SERPINE2: variants seen among roughly 807,000 people sequenced by gnomAD.
SERPINE2 encodes glia-derived nexin.
Under a neutral mutation model 36.3 loss-of-function variants are expected in SERPINE2, and 14 were observed. The observed-to-expected ratio is 0.39, with a 90% CI of 0.25 to 0.60. The LOEUF (loss-of-function observed/expected upper bound fraction) is 0.60. SERPINE2 is among the 20% of genes least tolerant of loss of function. SERPINE2 has a pLI of 0.57. For synonymous variants in SERPINE2, 192 were observed against 191.8 expected (o/e 1.00, Z -0.01); for missense variants, 418 against 499.6 (o/e 0.84, Z 1.56).
intron 1 of SERPINE2, among the ~76,000 whole-genome samples, chr2:224,009,149 C>T (rs1260490694): frequency 6.6e-6 from 1 of 152,160 alleles, no homozygotes; most frequent in Non-Finnish European, 1.5e-5. Context: ...CGACACACAG[C>T]ACGGCAAGGT....
At chr2:223,977,964 A>T in intron 7 of SERPINE2, 1 of 221,712 alleles carries the variant, frequency 4.5e-6, no homozygotes, top group Non-Finnish European at 9.2e-6. Context: ...TTGCCACTAA[A>T]CACATCTAAT....
chr2:223,994,121 G>A (rs796704491), intron 3 of SERPINE2, among the ~76,000 whole-genome samples: 14 of 151,982 alleles, frequency 9.2e-5, no homozygotes, highest in Admixed American at 2.6e-4. Flanking sequence ...CTCTGCTCCC[G>A]ATTTCTGTAA....
Position 223,991,902 on chromosome 2 carries a change from G to A in SERPINE2, c.586C>T (p.Arg196Trp), listed in dbSNP as rs368930499. The A allele has an allele frequency of 1.4e-5, 22 of 1,612,716 alleles. No individual in the cohort carries two copies. The highest frequency in any genetic ancestry group is 1.6e-5 in the Non-Finnish European group (19 of 1,179,468). The change falls in exon 4 of 9, where the codon CGG becomes TGG. Residue 196 changes from arginine (R) to tryptophan (W), a missense_variant. Arg to Trp is a moderately radical substitution (Grantham distance 101, BLOSUM62 -3). Transcript: ENST00000409304. ...AVYFKGLWKSRFQPENTKKRT... is the reference protein window; with the variant it reads ...AVYFKGLWKSWFQPENTKKRT... ...TTCTTTGTGTTCTCGGGTTGGAACC[G>A]TGATTTCCACAGACCCTTGAAATAC...
At chr2:224,032,992 G>T (rs867143215) in intron 1 of SERPINE2, among the ~76,000 whole-genome samples, 3 of 152,126 alleles carry the variant, frequency 2.0e-5, no homozygotes, top group Middle Eastern at 3.4e-3. Context: ...GATGGGAGGT[G>T]GTATTTCTCA....
At chr2:224,004,040 G>C (rs1264650791) in intron 1 of SERPINE2, among the ~76,000 whole-genome samples, 1 of 152,206 alleles carries the variant, frequency 6.6e-6, no homozygotes, top group Admixed American at 6.5e-5. Context: ...ACCCTAGGGC[G>C]TAGGAGATGT....
At chr2:224,038,444 T>C (rs1007693126) in intron 1 of SERPINE2, 3 of 1,527,048 alleles carry the variant, frequency 2.0e-6, no homozygotes, top group Non-Finnish European at 2.7e-6. Context: ...ACACATTAAA[T>C]GCCTAATTCC....
chr2:223,985,009 T>C (rs1690373778), intron 4 of SERPINE2, 59 bp from the exon 5 acceptor site: 2 of 1,485,876 alleles, frequency 1.3e-6, no homozygotes, highest in Non-Finnish European at 1.9e-6. Context: ...GCAGGATGAG[T>C]GCTTGCTGGT....
intron 1 of SERPINE2, among the ~76,000 whole-genome samples, chr2:224,012,041 A>C (rs1691642751): frequency 1.3e-5 from 2 of 152,148 alleles, no homozygotes; most frequent in East Asian, 3.9e-4. Context: ...AGAGTTCACA[A>C]ACACCACTCC....
intron 2 of SERPINE2, among the ~76,000 whole-genome samples, chr2:224,000,141 C>T (rs1429002869): frequency 3.9e-5 from 6 of 152,182 alleles, no homozygotes; most frequent in African/African-American, 1.4e-4. Flanking sequence ...GCTGACGACG[C>T]CAGTGCAGTC....
At chr2:223,983,444 G>A (rs1392607590) in intron 5 of SERPINE2, among the ~76,000 whole-genome samples, 12 of 152,010 alleles carry the variant, frequency 7.9e-5, no homozygotes, top group African/African-American at 2.9e-4. Flanking sequence ...TAGTAGAGAC[G>A]GGGTTTTTCC....
chr2:224,024,750 T>G (rs891828249), intron 1 of SERPINE2, among the ~76,000 whole-genome samples: 1 of 152,256 alleles, frequency 6.6e-6, no homozygotes, highest in East Asian at 1.9e-4. Flanking sequence ...AAGACCCGCC[T>G]GCTGCCCTGC....
intron 1 of SERPINE2, among the ~76,000 whole-genome samples, chr2:224,018,154 T>A (rs1691863769): frequency 1.3e-5 from 2 of 152,280 alleles, no homozygotes; most frequent in South Asian, 4.1e-4. Flanking sequence ...GATGATGGGC[T>A]TAGGAAATGA....
At chr2:223,994,094 C>G (rs1434445932) in intron 3 of SERPINE2, among the ~76,000 whole-genome samples, 2 of 152,210 alleles carry the variant, frequency 1.3e-5, no homozygotes, top group Non-Finnish European at 2.9e-5. Context: ...TCATCCTCGC[C>G]ACCTCCTAAG....
At chr2:224,031,278 G>A in intron 1 of SERPINE2, 1 of 985,242 alleles carries the variant, frequency 1.0e-6, no homozygotes, top group African/African-American at 1.7e-5. Context: ...CATACTGCGT[G>A]ACCGTGGACC....
chr2:224,032,062 A>T (rs1692397312), intron 1 of SERPINE2, among the ~76,000 whole-genome samples: 1 of 152,236 alleles, frequency 6.6e-6, no homozygotes, highest in African/African-American at 2.4e-5. Flanking sequence ...CTTGTAAGCA[A>T]AAGATAATGC....
rs538875757 is a variant in SERPINE2 at position 223,975,693 on chromosome 2, T to A, written c.*174A>T. ...TGTTCCAGCCATCCTGCTTGTTTTT[T>A]CCCTCCAATACCTCCCAGAACAGAA... On this transcript the variant is annotated 3_prime_UTR_variant, in exon 9 of 9. Transcript: ENST00000409304. The A allele has an allele frequency of 4.7e-5, 24 of 513,870 alleles. No individual in the cohort carries two copies. Among genetic ancestry groups the A allele is most frequent in the Non-Finnish European group, 8.4e-5 (24 of 286,064 alleles). 31.8% of individuals were successfully genotyped at this position (513,870 alleles called of 1,614,324 possible).
intron 3 of SERPINE2, among the ~76,000 whole-genome samples, chr2:223,994,528 G>A (rs1690803733): frequency 6.6e-6 from 1 of 152,138 alleles, no homozygotes; most frequent in African/African-American, 2.4e-5. Flanking sequence ...CATGTGCCTG[G>A]TACTCTCTTA....
intron 1 of SERPINE2, among the ~76,000 whole-genome samples, chr2:224,028,142 C>T (rs1014813431): frequency 2.0e-5 from 3 of 152,136 alleles, no homozygotes; most frequent in African/African-American, 7.2e-5. Flanking sequence ...TCAAACTGTA[C>T]CCAGACTTGG....
chr2:224,028,712 C>T (rs6719480), intron 1 of SERPINE2, among the ~76,000 whole-genome samples: 28,868 of 152,168 alleles, frequency 0.19, 2,815 homozygotes, highest in Middle Eastern at 0.23. Flanking sequence ...ATAAAAGATG[C>T]CTAATAGTAC....
Sources: gnomAD v4.1 joint callset for allele counts (sites outside exome capture counted in the v4.1 genomes callset) on GRCh38, gnomAD v4.1.1 for gene constraint, MANE v1.5 for transcripts, NCBI Gene and HGNC (gene_info 2026-07-23, HGNC 2026-07-21) for gene names.